The following ZNF385C variants were observed in gnomAD, a reference collection of about 807,000 sequenced individuals.
The protein encoded by ZNF385C is CTD-2132N18.2.
In ZNF385C, 28 loss-of-function variants were observed where a neutral mutation model predicts 35.4. The ratio of observed to expected loss-of-function variants is 0.79; its 90% CI spans 0.59 to 1.08. ZNF385C has a LOEUF of 1.08. Among genes scored for constraint, ZNF385C ranks in the 50% least tolerant of loss-of-function variants. The pLI, the probability that ZNF385C is intolerant of heterozygous loss-of-function variation, is 0.00. For missense variants in ZNF385C, 605 were observed against 595.6 expected, an observed-to-expected ratio of 1.02 and a Z score of -0.16; for synonymous variants, 248 against 248.2, an observed-to-expected ratio of 1.00 and a Z score of 0.01.
At chr17:42,061,711 C>A (rs1307201754) in intron 2 of ZNF385C, 1 of 152,468 alleles carries the variant, frequency 6.6e-6, no homozygotes, top group East Asian at 1.9e-4. Flanking sequence ...CCCCTACTCC[C>A]CTCATCCATG....
intron 2 of ZNF385C, chr17:42,039,672 C>T (rs1326698366): frequency 8.1e-7 from 1 of 1,231,908 alleles, no homozygotes; most frequent in Non-Finnish European, 1.0e-6. Context: ...CCCAGGGCCC[C>T]AGGCTGGATG....
At chr17:42,046,052 T>G (rs1368520804) in intron 2 of ZNF385C, among the ~76,000 whole-genome samples, 1 of 152,210 alleles carries the variant, frequency 6.6e-6, no homozygotes, top group African/African-American at 2.4e-5. Flanking sequence ...ACTCATTGCC[T>G]GAGAGCAGCT....
chr17:42,069,808 C>A (rs1193176881), intron 1 of ZNF385C, among the ~76,000 whole-genome samples: 1 of 151,924 alleles, frequency 6.6e-6, no homozygotes, highest in Non-Finnish European at 1.5e-5. Context: ...TTTGGGAGGC[C>A]AAGGCAGGTG....
At chr17:42,097,911 G>T (rs1050380928) in intron 1 of ZNF385C, among the ~76,000 whole-genome samples, 2 of 152,200 alleles carry the variant, frequency 1.3e-5, no homozygotes, top group Admixed American at 1.3e-4. Flanking sequence ...AATAAATGAT[G>T]CAGGTGCCCT....
chr17:42,027,551 C>CAAA, intron 8 of ZNF385C, 67 bp downstream of exon 8: 9 of 525,308 alleles, frequency 1.7e-5, no homozygotes, highest in Admixed American at 3.3e-5. Context: ...GCCCCCCCAT[C>CAAA]TGGCCCTCCC....
chr17:42,042,324 C>A (rs564178776), intron 2 of ZNF385C, among the ~76,000 whole-genome samples: 1 of 152,258 alleles, frequency 6.6e-6, no homozygotes, highest in South Asian at 2.1e-4. Flanking sequence ...GAGTTCGAAA[C>A]TGGCCTGGCC....
Position 42,027,645 on chromosome 17 carries a change from G to C in ZNF385C, c.1248C>G (p.His416Gln), listed in dbSNP as rs145255298. 2 of 1,603,728 alleles carry C rather than the reference G, an allele frequency of 1.2e-6. No individual in the cohort carries two copies. The highest frequency in any genetic ancestry group is 1.7e-6 in the Non-Finnish European group (2 of 1,176,380). ...TGAGGATACTCACAGCCAGCGCTGCGTGCTTCTGCAGCTTGCTGTGCTGGC... is the reference window on the plus strand; with the variant it reads ...TGAGGATACTCACAGCCAGCGCTGCCTGCTTCTGCAGCTTGCTGTGCTGGC... Reference protein sequence around the residue: ...PSSQHSKLQKHAALAVSILKS... With the variant: ...PSSQHSKLQKQAALAVSILKS... Residue 416 changes from histidine to glutamine, a missense_variant, in exon 8 of 9, where the codon CAC (histidine) becomes CAG (glutamine). By Grantham distance (24) the His-to-Gln change is conservative. Coordinates refer to ENST00000692273, the MANE Select transcript of ZNF385C (RefSeq NM_001392013.1).
intron 1 of ZNF385C, among the ~76,000 whole-genome samples, chr17:42,079,822 C>CA (rs113616133): frequency 0.017 from 2,497 of 150,176 alleles, 37 homozygotes; most frequent in African/African-American, 0.037. Flanking sequence ...ACTAATGGAG[C>CA]AAAAAAAAAG....
rs1395452529 is a variant in ZNF385C, at chr17:42,026,852, CAAG to C, written c.*42_*44del. On this transcript the variant is annotated 3_prime_UTR_variant, in exon 9 of 9. Coordinates refer to ENST00000692273, the MANE Select transcript of ZNF385C (RefSeq NM_001392013.1). ...CAAGGTGTCTCAGGACAGGAGGAGA[CAAG>C]GAGTGGCTATTGGGAAATCAGCTCT... 3.3e-5 allele frequency: 51 copies of C among 1,535,340 alleles called. No homozygotes were observed. The highest frequency in any genetic ancestry group is 4.2e-5 in the Non-Finnish European group (48 of 1,129,844).
intron 1 of ZNF385C, among the ~76,000 whole-genome samples, chr17:42,094,044 C>T (rs868956626): frequency 2.2e-4 from 33 of 149,748 alleles, no homozygotes; most frequent in Non-Finnish European, 4.3e-4. Context: ...AGTGCAATGG[C>T]GCAATCTTGG....
intron 2 of ZNF385C, chr17:42,041,125 C>T: frequency 8.1e-7 from 1 of 1,232,280 alleles, no homozygotes; most frequent in Non-Finnish European, 1.0e-6. Context: ...CAACACCAGC[C>T]CCACATATGG....
intron 2 of ZNF385C, chr17:42,040,625 C>T (rs1343155452): frequency 3.2e-6 from 4 of 1,232,354 alleles, no homozygotes; most frequent in Non-Finnish European, 4.0e-6. Context: ...GGCACCAGGC[C>T]AGGCCAGGCC....
intron 5 of ZNF385C, among the ~76,000 whole-genome samples, chr17:42,030,457 C>CA (rs1555654890): frequency 6.6e-6 from 1 of 152,068 alleles, no homozygotes; most frequent in Non-Finnish European, 1.5e-5. Context: ...CGCTGTGCTC[C>CA]AGCCTGGGAG....
At chr17:42,039,767 A>C (rs999882242) in intron 2 of ZNF385C, 1 of 1,232,214 alleles carries the variant, frequency 8.1e-7, no homozygotes, top group African/African-American at 1.5e-5. Flanking sequence ...TCCACAGCCA[A>C]CCCGAAGTCA....
chr17:42,064,266 T>C (rs1445960821), intron 1 of ZNF385C, among the ~76,000 whole-genome samples: 1 of 152,164 alleles, frequency 6.6e-6, no homozygotes, highest in Non-Finnish European at 1.5e-5. Flanking sequence ...CTCAGTGAAT[T>C]TTGCCTTCTC....
At chr17:42,077,872 T>TC (rs1303715605) in intron 1 of ZNF385C, among the ~76,000 whole-genome samples, 2 of 151,490 alleles carry the variant, frequency 1.3e-5, no homozygotes, top group Non-Finnish European at 2.9e-5. Context: ...CTGTGACCCC[T>TC]CCCCCCACAT....
intron 2 of ZNF385C, among the ~76,000 whole-genome samples, chr17:42,051,091 G>A (rs1203287687): frequency 6.6e-6 from 1 of 152,048 alleles, no homozygotes; most frequent in Non-Finnish European, 1.5e-5. Context: ...GGATGGCAGA[G>A]CAAGGATTCC....
At chr17:42,035,064 A>C (rs1598180893) in intron 3 of ZNF385C, among the ~76,000 whole-genome samples, 1 of 127,052 alleles carries the variant, frequency 7.9e-6, no homozygotes, top group South Asian at 2.7e-4. Context: ...GGTTGCAGTG[A>C]GCTGAGATTG....
Position 42,027,275 on chromosome 17 carries a change from C to T in ZNF385C, c.1276-142G>A, listed in dbSNP as rs1170864524. Reference sequence around the variant, plus strand: ...CCTAAATCCTCCTCCCTTCCCACCCCCAAACATTCATTCCGAAGGGCTTTC... The same window carrying T: ...CCTAAATCCTCCTCCCTTCCCACCCTCAAACATTCATTCCGAAGGGCTTTC... On this transcript the variant is annotated intron_variant, in intron 8 of 8. Coordinates refer to ENST00000692273, the MANE Select transcript of ZNF385C (RefSeq NM_001392013.1). 11 of 754,112 alleles carry T rather than the reference C, an allele frequency of 1.5e-5. No homozygotes were observed. The Admixed American group carries it at 1.7e-4, about 12-fold the overall frequency. The allele number at this position is 754,112 out of a possible 1,614,324, so 46.7% of individuals were successfully genotyped here. A position where few individuals can be genotyped will look rare whatever the true frequency, so the allele number is the denominator to read the frequency against.
Sources: allele counts gnomAD v4.1 joint callset (sites outside exome capture counted in the v4.1 genomes callset), GRCh38; gene constraint gnomAD v4.1.1; transcripts MANE v1.5; gene names NCBI Gene and HGNC (gene_info 2026-07-23, HGNC 2026-07-21).